The following CIP2A variants were observed in gnomAD, a reference collection of about 807,000 sequenced individuals.
CIP2A encodes the protein cellular inhibitor of PP2A.
A neutral mutation model predicts 110.9 loss-of-function variants in CIP2A; 103 were observed. The observed-to-expected ratio is 0.93, with a 90% CI of 0.79 to 1.09. CIP2A has a LOEUF of 1.09. CIP2A is among the 50% of genes least tolerant of loss of function. CIP2A has a pLI of 0.00. For missense variants in CIP2A, 1,088 were observed against 1,038.4 expected (o/e 1.05, Z -0.66); for synonymous variants, 381 against 361.6 (o/e 1.05, Z -0.61).
Position 108,582,171 on chromosome 3 carries a change from TTA to T in CIP2A, c.387_388del (p.Tyr129Ter). 1 of 1,480,684 alleles carries T rather than the reference TTA, an allele frequency of 6.8e-7. No individual in the cohort carries two copies. Among genetic ancestry groups the T allele is most frequent in the Non-Finnish European group, 9.3e-7 (1 of 1,074,588 alleles). 91.7% of individuals were successfully genotyped at this position (1,480,684 alleles called of 1,614,324 possible). A position where few individuals can be genotyped will look rare whatever the true frequency, so the allele number is the denominator to read the frequency against. On this transcript the variant is annotated stop_gained and frameshift_variant, in exon 4 of 21. Transcript: ENST00000295746. LOFTEE classifies it high-confidence loss of function. Reference sequence around the variant, plus strand: ...GGCACCAGAATAGAAAATTTTGACATTATATGTTAACTTCTGTAGAAGTTGAA... The same window carrying T: ...GGCACCAGAATAGAAAATTTTGACATTATGTTAACTTCTGTAGAAGTTGAA...
chr3:108,576,173 T>A (rs1938644570), intron 8 of CIP2A, 98 bp downstream of exon 8: 4 of 656,984 alleles, frequency 6.1e-6, no homozygotes, highest in Admixed American at 2.8e-5. Flanking sequence ...AATACAGAAA[T>A]CTGTGCATTT....
chr3:108,579,902 G>GA (rs1938805449), intron 5 of CIP2A, among the ~76,000 whole-genome samples: 1 of 152,082 alleles, frequency 6.6e-6, no homozygotes, highest in East Asian at 1.9e-4. Context: ...AGTACCTACA[G>GA]AAAAAAATAA....
chr3:108,571,074 A>AC (rs1351427659), intron 8 of CIP2A, among the ~76,000 whole-genome samples: 3 of 151,904 alleles, frequency 2.0e-5, no homozygotes, highest in Non-Finnish European at 4.4e-5. Flanking sequence ...CACCACTTCC[A>AC]CCTCCACATG....
At chr3:108,553,124 T>TTG (rs1937633143) in intron 19 of CIP2A, among the ~76,000 whole-genome samples, 7 of 55,362 alleles carry the variant, frequency 1.3e-4, no homozygotes, top group African/African-American at 5.6e-4. Context: ...TCCTTTTGTT[T>TTG]TTTTTTTTTT....
intron 1 of CIP2A, among the ~76,000 whole-genome samples, chr3:108,587,332 A>C (rs1311836318): frequency 1.3e-5 from 2 of 152,200 alleles, no homozygotes; most frequent in African/African-American, 4.8e-5. Context: ...ATAGAATTCT[A>C]CACATCAATA....
intron 7 of CIP2A, among the ~76,000 whole-genome samples, chr3:108,578,486 G>A (rs1173179112): frequency 7.1e-6 from 1 of 139,890 alleles, no homozygotes; most frequent in East Asian, 2.3e-4. Context: ...GTTTGCCCTA[G>A]TGCTTAGCTT....
chr3:108,552,168 A>G, intron 20 of CIP2A, 66 bp downstream of exon 20: 1 of 1,314,084 alleles, frequency 7.6e-7, no homozygotes, highest in East Asian at 2.5e-5. Context: ...TCCTTTATCC[A>G]TATTCACCCT....
intron 11 of CIP2A, 115 bp from the exon 12 acceptor site, chr3:108,565,569 G>A (rs548634544): frequency 3.5e-6 from 2 of 577,714 alleles, no homozygotes; most frequent in Admixed American, 3.5e-5. Flanking sequence ...TTAAATTCAA[G>A]ATGATAAAGT....
At position 108,579,276 on chromosome 3, in the gene CIP2A, C is replaced by T; in HGVS notation, c.818+5G>A. 1.2e-6 allele frequency: 2 copies of T among 1,602,288 alleles called. No homozygotes were observed. The highest frequency in any genetic ancestry group is 2.2e-5 in the South Asian group (2 of 88,942). Reference sequence around the variant, plus strand: ...AGTTCTAAAATTGACTGAAGTGAGTCATACCTGGTGAGATAATCAGCAATT... The same window carrying T: ...AGTTCTAAAATTGACTGAAGTGAGTTATACCTGGTGAGATAATCAGCAATT... On this transcript the variant is annotated splice_donor_5th_base_variant and intron_variant, in intron 7 of 20. Transcript: ENST00000295746.
intron 4 of CIP2A, 40 bp downstream of exon 4, chr3:108,582,068 C>A: frequency 1.1e-6 from 1 of 942,386 alleles, no homozygotes; most frequent in Non-Finnish European, 1.6e-6. Context: ...TAAAAATAAA[C>A]AAATAAACTA....
chr3:108,563,582 T>C (rs1289493676), intron 12 of CIP2A, among the ~76,000 whole-genome samples: 3 of 151,972 alleles, frequency 2.0e-5, no homozygotes, highest in African/African-American at 4.8e-5. Context: ...TTCCAAGCTA[T>C]CATTTAAAAG....
At chr3:108,575,411 T>C (rs986955023) in intron 8 of CIP2A, among the ~76,000 whole-genome samples, 336 of 138,944 alleles carry the variant, frequency 2.4e-3, no homozygotes, top group Admixed American at 4.8e-3. Flanking sequence ...CATGTGTATG[T>C]ATACATATAC....
chr3:108,583,870 A>G (rs1477216429), intron 2 of CIP2A, among the ~76,000 whole-genome samples: 1 of 152,184 alleles, frequency 6.6e-6, no homozygotes, highest in Non-Finnish European at 1.5e-5. Context: ...TATCATATGT[A>G]CCCCATAAGT....
chr3:108,566,996 T>C (rs1321675280), intron 10 of CIP2A, among the ~76,000 whole-genome samples: 9 of 151,852 alleles, frequency 5.9e-5, no homozygotes, highest in Non-Finnish European at 8.8e-5. Flanking sequence ...AGCTATTATT[T>C]TAAAAGTTGT....
chr3:108,560,131 G>A, intron 14 of CIP2A, 103 bp from the exon 15 acceptor site: 1 of 650,490 alleles, frequency 1.5e-6, no homozygotes, highest in South Asian at 2.0e-5. Context: ...ACTTAATGAT[G>A]AGTAACAAAA....
In CIP2A at chr3:108,575,923, T is replaced by C. The variant is rs894110195; in HGVS notation, c.894+348A>G. Among the ~76,000 whole-genome samples the C allele has an allele frequency of 2.7e-5, 4 of 150,006 alleles. 1 individual carries two copies. Among genetic ancestry groups the C allele is most frequent in the Non-Finnish European group, 5.9e-5 (4 of 67,534 alleles). On this transcript the variant is annotated intron_variant, in intron 8 of 20. Coordinates refer to ENST00000295746, the MANE Select transcript of CIP2A (RefSeq NM_020890.3). ...ATATACATATATACATATACGTATA[T>C]ATACATACATATACGTATATATACA...
intron 9 of CIP2A, among the ~76,000 whole-genome samples, 174 bp from the exon 10 acceptor site, chr3:108,568,488 C>T (rs1311742535): frequency 6.6e-6 from 1 of 151,926 alleles, no homozygotes; most frequent in Non-Finnish European, 1.5e-5. Context: ...TACTTCTAAC[C>T]AGTTTTGAGG....
chr3:108,564,931 A>T (rs1938130818), intron 12 of CIP2A, among the ~76,000 whole-genome samples: 1 of 151,882 alleles, frequency 6.6e-6, no homozygotes. Flanking sequence ...TATTTTCTGC[A>T]CAGCCCTTCT....
At position 108,589,255 on chromosome 3, in the gene CIP2A, C is replaced by G. The variant is rs1939223673; in HGVS notation, c.102+19G>C. The stretch of plus-strand genomic sequence containing the variant: ...TGCTAGGGGAAGCCCCATCTGTCCT[C>G]TACCCCAGAGCCTCTCACCTCCAAG... On this transcript the variant is annotated intron_variant, in intron 1 of 20. Transcript: ENST00000295746. The G allele has an allele frequency of 6.3e-7, 1 of 1,597,094 alleles. No individual in the cohort carries two copies. The highest frequency in any genetic ancestry group is 8.6e-7 in the Non-Finnish European group (1 of 1,164,820).
Sources: gnomAD v4.1 joint callset for allele counts (sites outside exome capture counted in the v4.1 genomes callset) on GRCh38, gnomAD v4.1.1 for gene constraint, MANE v1.5 for transcripts, NCBI Gene and HGNC (gene_info 2026-07-23, HGNC 2026-07-21) for gene names.